Variants in AK5 observed in about 807,000 individuals in gnomAD.
The protein encoded by AK5 is adenylate kinase 5.
A neutral mutation model predicts 69.5 loss-of-function variants in AK5; 27 were observed. The ratio of observed to expected loss-of-function variants is 0.39; its 90% CI spans 0.29 to 0.54. AK5 has a LOEUF of 0.54. Among genes scored for constraint, AK5 ranks in the 20% least tolerant of loss-of-function variants. AK5 has a pLI of 0.71. For missense variants in AK5, 531 were observed against 700.4 expected (o/e 0.76, Z 2.73); for synonymous variants, 260 against 244.4 (o/e 1.06, Z -0.60).
intron 8 of AK5, among the ~76,000 whole-genome samples, chr1:77,438,188 A>G (rs1652071510): frequency 6.6e-6 from 1 of 151,756 alleles, no homozygotes; most frequent in Admixed American, 6.6e-5. Flanking sequence ...ATTTTAATAC[A>G]AGTGAAAAAG....
At chr1:77,453,532 A>G (rs1653288389) in intron 8 of AK5, among the ~76,000 whole-genome samples, 1 of 152,184 alleles carries the variant, frequency 6.6e-6, no homozygotes, top group Admixed American at 6.5e-5. Context: ...ATGGGCATCT[A>G]GGTTGTTTCC....
At chr1:77,439,604 A>G (rs547186611) in intron 8 of AK5, among the ~76,000 whole-genome samples, 23 of 152,092 alleles carry the variant, frequency 1.5e-4, no homozygotes, top group African/African-American at 4.6e-4. Flanking sequence ...CTCTGCCTCC[A>G]TGATATTTAC....
intron 13 of AK5, among the ~76,000 whole-genome samples, chr1:77,554,019 C>A (rs1207398348): frequency 6.6e-6 from 1 of 152,132 alleles, no homozygotes; most frequent in African/African-American, 2.4e-5. Context: ...CATAAACGAA[C>A]CTTGAAAACA....
chr1:77,388,802 G>A (rs1648213634), intron 6 of AK5, among the ~76,000 whole-genome samples: 1 of 151,800 alleles, frequency 6.6e-6, no homozygotes, highest in African/African-American at 2.4e-5. Context: ...TTGGCCAAAA[G>A]GAGAATAAGA....
rs977944969 is a variant in AK5 at position 77,417,803 on chromosome 1, C to G, written c.1059+88C>G. The G allele has an allele frequency of 3.7e-5, 30 of 800,694 alleles. No homozygotes were observed. The South Asian group carries it at 5.0e-4, about 13-fold the overall frequency. 49.6% of individuals were successfully genotyped at this position (800,694 alleles called of 1,614,324 possible). ...TTTATGAAAATTTGAATTATAAAAA[C>G]TCATTTTGTGAAATATATACAGATA... On this transcript the variant is annotated intron_variant, in intron 8 of 13. Coordinates refer to ENST00000354567, the MANE Select transcript of AK5 (RefSeq NM_174858.3).
chr1:77,390,471 A>C (rs1255788394), intron 6 of AK5, among the ~76,000 whole-genome samples: 1 of 152,228 alleles, frequency 6.6e-6, no homozygotes, highest in Non-Finnish European at 1.5e-5. Context: ...TATTCTGGAC[A>C]CTCAGGTGAG....
At chr1:77,518,456 A>G in intron 10 of AK5, 108 bp from the exon 11 acceptor site, 1 of 1,185,560 alleles carries the variant, frequency 8.4e-7, no homozygotes, top group Non-Finnish European at 1.2e-6. Flanking sequence ...CAAGTTCCCA[A>G]TACATGCTTA....
rs140680823 is a variant in AK5 at position 77,470,938 on chromosome 1, T to A, written c.1060-12379T>A. Among the ~76,000 whole-genome samples the A allele has an allele frequency of 8.8e-3, 1,227 of 139,260 alleles. 25 individuals carry two copies. The highest frequency in any genetic ancestry group is 0.051 in the South Asian group (209 of 4,072). 91.4% of individuals were successfully genotyped at this position (139,260 alleles called of 152,430 possible). A position where few individuals can be genotyped will look rare whatever the true frequency, so the allele number is the denominator to read the frequency against. ...TTCTGTGGCCCAGGCTGGAGTGCAG[T>A]GGCATGATCTTGGCTCACTGCAACC... On this transcript the variant is annotated intron_variant, in intron 8 of 13. Transcript: ENST00000354567.
At chr1:77,408,634 A>G (rs1475252005) in intron 6 of AK5, among the ~76,000 whole-genome samples, 2 of 152,080 alleles carry the variant, frequency 1.3e-5, no homozygotes, top group Admixed American at 1.3e-4. Flanking sequence ...TGGTTTAATT[A>G]GGTCCCACTT....
At chr1:77,381,752 C>A (rs903385621) in intron 6 of AK5, among the ~76,000 whole-genome samples, 1 of 152,170 alleles carries the variant, frequency 6.6e-6, no homozygotes, top group Admixed American at 6.5e-5. Flanking sequence ...CTATTACCCA[C>A]TAGAGCATTC....
At chr1:77,540,938 G>T (rs897209164) in intron 13 of AK5, among the ~76,000 whole-genome samples, 1 of 151,354 alleles carries the variant, frequency 6.6e-6, no homozygotes, top group African/African-American at 2.4e-5. Context: ...ATGGAGTCTC[G>T]CTCTGTCACC....
intron 7 of AK5, among the ~76,000 whole-genome samples, chr1:77,413,784 C>T (rs1650207298): frequency 6.6e-6 from 1 of 152,124 alleles, no homozygotes; most frequent in Non-Finnish European, 1.5e-5. Context: ...CTCCACTTTT[C>T]CTGGATCTAC....
chr1:77,477,308 A>C (rs1655007037), intron 8 of AK5, among the ~76,000 whole-genome samples: 1 of 152,172 alleles, frequency 6.6e-6, no homozygotes, highest in Non-Finnish European at 1.5e-5. Context: ...GATTATAGAC[A>C]TGAGCCACCA....
At chr1:77,412,641 T>A (rs1650122008) in intron 7 of AK5, among the ~76,000 whole-genome samples, 1 of 152,170 alleles carries the variant, frequency 6.6e-6, no homozygotes, top group South Asian at 2.1e-4. Flanking sequence ...CTTATAAATG[T>A]TGATGACTCA....
intron 6 of AK5, among the ~76,000 whole-genome samples, chr1:77,356,831 G>A (rs946722448): frequency 3.3e-5 from 5 of 152,170 alleles, no homozygotes; most frequent in African/African-American, 1.2e-4. Context: ...CCATAATCCA[G>A]TGGTATTTTT....
At chr1:77,415,170 T>C (rs935632662) in intron 7 of AK5, among the ~76,000 whole-genome samples, 1 of 152,226 alleles carries the variant, frequency 6.6e-6, no homozygotes, top group Non-Finnish European at 1.5e-5. Flanking sequence ...AAGCTTTCTT[T>C]TAAACAAAGG....
chr1:77,286,305 G>T (rs892172101), intron 1 of AK5, among the ~76,000 whole-genome samples: 1 of 150,676 alleles, frequency 6.6e-6, no homozygotes, highest in African/African-American at 2.4e-5. Context: ...ATGACCAGGG[G>T]CATTTTCACA....
chr1:77,435,285 C>A (rs1049380466), intron 8 of AK5, among the ~76,000 whole-genome samples: 1 of 152,100 alleles, frequency 6.6e-6, no homozygotes, highest in African/African-American at 2.4e-5. Context: ...AACTTTACCT[C>A]AAGAAATGAA....
At chr1:77,555,769 A>T (rs1305345258) in intron 13 of AK5, among the ~76,000 whole-genome samples, 1 of 152,240 alleles carries the variant, frequency 6.6e-6, no homozygotes, top group East Asian at 1.9e-4. Flanking sequence ...ATCTCCTAAC[A>T]GTGTAAATTC....
Sources: allele counts gnomAD v4.1 joint callset (sites outside exome capture counted in the v4.1 genomes callset), GRCh38; gene constraint gnomAD v4.1.1; transcripts MANE v1.5; gene names NCBI Gene and HGNC (gene_info 2026-07-23, HGNC 2026-07-21).